Variants in COL21A1 observed in about 807,000 individuals in gnomAD.
COL21A1 encodes collagen type XXI alpha 1 chain.
COL21A1 carries 149 observed loss-of-function variants against 137.9 expected under a neutral mutation model. The observed-to-expected ratio is 1.08, with a 90% CI of 0.95 to 1.24. COL21A1 has a LOEUF of 1.24. COL21A1 is among the 50% of genes most tolerant of loss of function. The pLI is 0.00. For synonymous variants in COL21A1, 456 were observed against 391.5 expected, an observed-to-expected ratio of 1.16 and a Z score of -1.95; for missense variants, 1,167 against 1,158.4, an observed-to-expected ratio of 1.01 and a Z score of -0.11.
intron 1 of COL21A1, among the ~76,000 whole-genome samples, chr6:56,306,490 A>G (rs111898609): frequency 0.081 from 12,243 of 152,070 alleles, 547 homozygotes; most frequent in Middle Eastern, 0.14. Flanking sequence ...TTCATCTTCC[A>G]TCACTGATAC....
At chr6:56,387,929 T>C (rs1017563669) in intron 1 of COL21A1, among the ~76,000 whole-genome samples, 3 of 152,120 alleles carry the variant, frequency 2.0e-5, no homozygotes, top group Non-Finnish European at 4.4e-5. Context: ...CCCAGTGCAA[T>C]ACCAGCTGTG....
At chr6:56,291,055 C>T (rs1308305099) in intron 1 of COL21A1, among the ~76,000 whole-genome samples, 1 of 151,994 alleles carries the variant, frequency 6.6e-6, no homozygotes, top group Non-Finnish European at 1.5e-5. Context: ...AATCTTGGGC[C>T]CCACCTCAGA....
chr6:56,247,958 G>T (rs1156476783), upstream of COL21A1, among the ~76,000 whole-genome samples: 3 of 152,180 alleles, frequency 2.0e-5, no homozygotes, highest in African/African-American at 4.8e-5. Context: ...CCTCTGGGGC[G>T]CCAAGGTACG....
chr6:56,090,266 A>C (rs1768675067), intron 17 of COL21A1, among the ~76,000 whole-genome samples: 1 of 152,188 alleles, frequency 6.6e-6, no homozygotes, highest in Non-Finnish European at 1.5e-5. Context: ...GAACAACACA[A>C]AAAAATGATC....
chr6:56,205,336 A>T lies in COL21A1; in HGVS notation c.-38-22680T>A, dbSNP rs1484850675. Among the ~76,000 whole-genome samples, 3 of 152,182 alleles carry T rather than the reference A, an allele frequency of 2.0e-5. No homozygotes were observed. The East Asian group carries it at 5.8e-4, about 29-fold the overall frequency. On this transcript the variant is annotated intron_variant, in intron 1 of 29. Transcript: ENST00000244728. ...ACACAGGACGAGAACTTCGTGAAGC[A>T]TAAACAAGTATCAATAGCCAAATCG...
intron 1 of COL21A1, among the ~76,000 whole-genome samples, chr6:56,321,375 T>C (rs1764863468): frequency 6.6e-6 from 1 of 152,304 alleles, no homozygotes; most frequent in East Asian, 1.9e-4. Flanking sequence ...ACACATTAGT[T>C]TGGAGCAAAA....
chr6:56,209,515 A>G (rs7762422), intron 1 of COL21A1, among the ~76,000 whole-genome samples: 96,137 of 152,048 alleles, frequency 0.63, 30,690 homozygotes, highest in East Asian at 0.86. Context: ...TGCAACCAAC[A>G]AGCATATGAA....
rs1293776117 is a variant in COL21A1 at position 56,097,862 on chromosome 6, TAA to T, written c.1812+3608_1812+3609del. Among the ~76,000 whole-genome samples the T allele has an allele frequency of 4.7e-4, 13 of 27,408 alleles. 1 individual carries two copies. The highest frequency in any genetic ancestry group is 2.6e-3 in the East Asian group (1 of 380). The allele number at this position is 27,408 out of a possible 152,430, so 18.0% of individuals were successfully genotyped here. ...AAATATATAAATATATATAAATATA[TAA>T]AAATATCTATAAATATATAAATATA... On this transcript the variant is annotated intron_variant, in intron 17 of 29. Transcript: ENST00000244728.
intron 1 of COL21A1, among the ~76,000 whole-genome samples, chr6:56,334,919 A>G (rs1360021698): frequency 6.6e-6 from 1 of 152,188 alleles, no homozygotes; most frequent in Non-Finnish European, 1.5e-5. Context: ...TAGCAGCACA[A>G]AAGTCCACAC....
At position 56,141,773 on chromosome 6, in the gene COL21A1, G is replaced by T; in HGVS notation, c.1542+12C>A. 6.2e-7 allele frequency: 1 copy of T among 1,613,084 alleles called. No individual in the cohort carries two copies. The highest frequency in any genetic ancestry group is 8.5e-7 in the Non-Finnish European group (1 of 1,179,260). On this transcript the variant is annotated intron_variant, in intron 12 of 29. Coordinates refer to ENST00000244728, the MANE Select transcript of COL21A1 (RefSeq NM_030820.4). Reference sequence around the variant, plus strand: ...GACTAACACCATTGATTGCATTTTTGTGTGTGTTTACCTTGTCACCATCTC... The same window carrying T: ...GACTAACACCATTGATTGCATTTTTTTGTGTGTTTACCTTGTCACCATCTC...
chr6:56,144,255 A>G (rs1190643103), intron 10 of COL21A1, among the ~76,000 whole-genome samples: 2 of 152,192 alleles, frequency 1.3e-5, no homozygotes, highest in African/African-American at 4.8e-5. Flanking sequence ...AACTTGCCCA[A>G]AGTTACATAG....
At chr6:56,267,049 A>C (rs1346548641) in intron 1 of COL21A1, among the ~76,000 whole-genome samples, 1 of 152,230 alleles carries the variant, frequency 6.6e-6, no homozygotes, top group Non-Finnish European at 1.5e-5. Flanking sequence ...TCCACAGAGA[A>C]GTCTAGATGA....
intron 2 of COL21A1, among the ~76,000 whole-genome samples, chr6:56,182,053 A>T (rs371873528): frequency 1.6e-3 from 250 of 151,938 alleles, no homozygotes; most frequent in Non-Finnish European, 1.7e-3. Flanking sequence ...ACTTTTTTTT[A>T]AAAAAAAGTG....
intron 1 of COL21A1, among the ~76,000 whole-genome samples, chr6:56,295,427 G>C (rs1488992190): frequency 6.6e-6 from 1 of 151,846 alleles, no homozygotes; most frequent in African/African-American, 2.4e-5. Flanking sequence ...TTTATTCTGG[G>C]TCTTTTGACT....
intron 1 of COL21A1, among the ~76,000 whole-genome samples, chr6:56,241,410 T>A (rs569793663): frequency 2.4e-3 from 361 of 152,328 alleles, no homozygotes; most frequent in Middle Eastern, 0.02. Context: ...ACCTGCTGTA[T>A]GGAATTTTAC....
chr6:56,200,338 G>C (rs1779299242), intron 1 of COL21A1, among the ~76,000 whole-genome samples: 1 of 151,992 alleles, frequency 6.6e-6, no homozygotes, highest in African/African-American at 2.4e-5. Flanking sequence ...AAGTTTTAGG[G>C]TACATGTGCA....
intron 10 of COL21A1, among the ~76,000 whole-genome samples, chr6:56,147,492 C>T (rs1053152074): frequency 6.6e-5 from 10 of 151,462 alleles, no homozygotes; most frequent in African/African-American, 2.4e-4. Flanking sequence ...GCAAACAAAT[C>T]AATAATTACT....
At chr6:56,164,893 A>G in intron 7 of COL21A1, 71 bp from the exon 8 acceptor site, 1 of 1,175,104 alleles carries the variant, frequency 8.5e-7, no homozygotes, top group South Asian at 1.6e-5. Context: ...CCTAATTTAC[A>G]GATATTTCAC....
chr6:56,074,481 A>T (rs1249491712), intron 19 of COL21A1, among the ~76,000 whole-genome samples, 196 bp from the exon 20 acceptor site: 1 of 151,554 alleles, frequency 6.6e-6, no homozygotes, highest in Non-Finnish European at 1.5e-5. Flanking sequence ...CAAACTATGC[A>T]AGATAGCATG....
Sources: gnomAD v4.1 joint callset for allele counts (sites outside exome capture counted in the v4.1 genomes callset) on GRCh38, gnomAD v4.1.1 for gene constraint, MANE v1.5 for transcripts, NCBI Gene and HGNC (gene_info 2026-07-23, HGNC 2026-07-21) for gene names.